The following MXD3 variants were observed in gnomAD, a reference collection of about 807,000 sequenced individuals.
MXD3 encodes MAX dimerization protein 3.
A neutral mutation model predicts 27.5 loss-of-function variants in MXD3; 20 were observed. The observed-to-expected ratio is 0.73, with a 90% CI of 0.51 to 1.06. The LOEUF is 1.06. MXD3 is among the 50% of genes least tolerant of loss of function. The pLI, the probability that MXD3 is intolerant of heterozygous loss-of-function variation, is 0.00. For synonymous variants in MXD3, 150 were observed against 130.7 expected, an observed-to-expected ratio of 1.15 and a Z score of -1.01; for missense variants, 298 against 291.3, an observed-to-expected ratio of 1.02 and a Z score of -0.17.
chr5:177,312,029 C>A, upstream of MXD3: 1 of 1,255,502 alleles, frequency 8.0e-7, no homozygotes, highest in South Asian at 1.6e-5. Context: ...CACCCTCCGG[C>A]AGCCGCCCCG....
At chr5:177,306,609 T>C, downstream of MXD3, 1 of 1,591,570 alleles carries the variant, frequency 6.3e-7, no homozygotes, top group Non-Finnish European at 8.6e-7. Flanking sequence ...ACAGCTAGGC[T>C]TAGCCTCTCT....
Position 177,310,420 on chromosome 5 carries a change from C to G in MXD3, c.321+6G>C. ...AAGCCAGTCCGGGCGCAGTGGGGGG[C>G]CTCACCTGGATGTGCATCCTGGCAC... On this transcript the variant is annotated splice_donor_region_variant and intron_variant, in intron 4 of 5. Transcript: ENST00000439742. 1 of 1,606,618 alleles carries G rather than the reference C, an allele frequency of 6.2e-7. No individual in the cohort carries two copies. The highest frequency in any genetic ancestry group is 8.5e-7 in the Non-Finnish European group (1 of 1,176,790).
upstream of MXD3, chr5:177,312,359 C>T (rs1490549499): frequency 1.0e-6 from 1 of 985,704 alleles, no homozygotes; most frequent in Non-Finnish European, 1.2e-6. Context: ...TTGTCATCCT[C>T]GGGGCGGGGT....
chr5:177,312,349 T>C (rs371040852), upstream of MXD3: 35 of 985,796 alleles, frequency 3.6e-5, no homozygotes, highest in Admixed American at 5.5e-4. Context: ...AGGATCGCTG[T>C]TGTCATCCTC....
intron 4 of MXD3, among the ~76,000 whole-genome samples, chr5:177,309,814 C>A (rs2127302086): frequency 1.3e-5 from 2 of 152,358 alleles, no homozygotes; most frequent in African/African-American, 4.8e-5. Context: ...AAGGCCACTT[C>A]TGACATGGCC....
At chr5:177,309,530 A>G (rs149595617) in intron 4 of MXD3, among the ~76,000 whole-genome samples, 50 of 152,340 alleles carry the variant, frequency 3.3e-4, no homozygotes, top group African/African-American at 1.2e-3. Context: ...CAATGATGGT[A>G]ATAACAGACG....
Position 177,308,675 on chromosome 5 carries a change from C to A in MXD3, c.322-711G>T, listed in dbSNP as rs987435360. On this transcript the variant is annotated intron_variant, in intron 4 of 5. Transcript: ENST00000439742. ...GGTGTGAGCCACCGCGCCCGGCCCC[C>A]CATTTCTTTACGAGAAGCTAGCTGG... 7.0e-4 allele frequency among the ~76,000 whole-genome samples: 106 copies of A among 152,256 alleles called. 1 individual carries two copies. The highest frequency in any genetic ancestry group is 2.5e-3 in the African/African-American group (102 of 41,536).
At chr5:177,305,790 G>A (rs1329323909), downstream of MXD3, 3 of 1,202,096 alleles carry the variant, frequency 2.5e-6, no homozygotes, top group Non-Finnish European at 3.7e-6. Context: ...TTCGCCTCAT[G>A]AAAAGTGACA....
At chr5:177,306,069 G>T (rs1208743934), downstream of MXD3, 10 of 1,603,440 alleles carry the variant, frequency 6.2e-6, no homozygotes, top group Non-Finnish European at 8.5e-6. Flanking sequence ...GGGCAACTCA[G>T]TATCCTTCCC....
At chr5:177,305,896 G>A (rs1234707559), downstream of MXD3, 2 of 1,614,142 alleles carry the variant, frequency 1.2e-6, no homozygotes, top group Middle Eastern at 1.7e-4. Context: ...TGTGTTTACT[G>A]TGTGAACTCT....
downstream of MXD3, chr5:177,306,422 G>T: frequency 6.2e-7 from 1 of 1,614,010 alleles, no homozygotes; most frequent in Non-Finnish European, 8.5e-7. Flanking sequence ...TTCGCGACAG[G>T]CGAGGCCCCT....
At position 177,307,322 on chromosome 5, in the gene MXD3, C is replaced by T. The variant is rs1161594417; in HGVS notation, c.*266G>A. On this transcript the variant is annotated 3_prime_UTR_variant, in exon 6 of 6. Transcript: ENST00000439742. ...AGGCTTCCTGTCCCCTTGGGGGCAG[C>T]AGAGCCAAATGCTTGGGCTCGGGCC... The T allele has an allele frequency of 8.4e-6, 13 of 1,544,030 alleles. No individual in the cohort carries two copies. Among genetic ancestry groups the T allele is most frequent in the Non-Finnish European group, 1.1e-5 (13 of 1,141,588 alleles).
At chr5:177,310,376 GCCCTCCATACA>G (rs1761004740) in intron 4 of MXD3, 39 bp downstream of exon 4, 1 of 1,468,796 alleles carries the variant, frequency 6.8e-7, no homozygotes, top group Non-Finnish European at 9.3e-7. Flanking sequence ...CCATAGCACA[GCCCTCCATACA>G]CCAGGGCAAG....
chr5:177,307,262 C>CA lies in MXD3; in HGVS notation c.*325dup, dbSNP rs781629019. ...CTGTACAGTTTATGTGAGGCAAAGG[C>CA]AGGGGGCCTTGTCCAGGAAGGGAAG... On this transcript the variant is annotated 3_prime_UTR_variant, in exon 6 of 6. Coordinates refer to ENST00000439742, the MANE Select transcript of MXD3 (RefSeq NM_031300.4). 59 of 1,551,646 alleles carry CA rather than the reference C, an allele frequency of 3.8e-5. No individual in the cohort carries two copies. The South Asian group carries it at 6.9e-4, about 18-fold the overall frequency.
In MXD3 at chr5:177,307,402, C is replaced by T. The variant is rs1019721633; in HGVS notation, c.*186G>A. 2.0e-6 allele frequency: 3 copies of T among 1,491,906 alleles called. No homozygotes were observed. Among genetic ancestry groups the T allele is most frequent in the African/African-American group, 2.8e-5 (2 of 72,064 alleles). 92.4% of individuals were successfully genotyped at this position (1,491,906 alleles called of 1,614,324 possible). ...AGGTCCTGATGAGTCCTGCCCCTTC[C>T]CTTCCAGAGGGCCTGCCTGGCAGCC... On this transcript the variant is annotated 3_prime_UTR_variant, in exon 6 of 6. Transcript: ENST00000439742.
intron 1 of MXD3, 94 bp from the exon 2 acceptor site, chr5:177,311,578 C>T: frequency 8.3e-7 from 1 of 1,208,190 alleles, no homozygotes; most frequent in Non-Finnish European, 1.1e-6. Context: ...AGGCTTTTGG[C>T]GCCAGGACCA....
At chr5:177,311,673 G>T in intron 1 of MXD3, 88 bp downstream of exon 1, 1 of 1,399,516 alleles carries the variant, frequency 7.1e-7, no homozygotes, top group Non-Finnish European at 9.8e-7. Context: ...TCCTAGGGCG[G>T]TGCATCCTTC....
upstream of MXD3, chr5:177,311,930 G>A (rs1222053571): frequency 1.4e-6 from 2 of 1,404,954 alleles, no homozygotes; most frequent in East Asian, 3.0e-5. Flanking sequence ...AACAAACACA[G>A]GGGCCCGCCC....
downstream of MXD3, chr5:177,306,765 T>C (rs1760889669): frequency 2.0e-6 from 2 of 990,204 alleles, no homozygotes; most frequent in African/African-American, 1.6e-5. Context: ...TATTCTCCCA[T>C]TGGGCAGCTG....
Sources: allele counts gnomAD v4.1 joint callset (sites outside exome capture counted in the v4.1 genomes callset), GRCh38; gene constraint gnomAD v4.1.1; transcripts MANE v1.5; gene names NCBI Gene and HGNC (gene_info 2026-07-23, HGNC 2026-07-21).